The following MKLN1 variants were observed in gnomAD, a reference collection of about 807,000 sequenced individuals.
MKLN1 encodes the protein muskelin.
A neutral mutation model predicts 99.0 loss-of-function variants in MKLN1; 18 were observed. The observed-to-expected ratio is 0.18, with a 90% CI of 0.13 to 0.27. MKLN1 has a LOEUF of 0.27. MKLN1 is among the 10% of genes least tolerant of loss of function. The pLI is 1.00. For missense variants in MKLN1, 621 were observed against 875.9 expected (o/e 0.71, Z 3.67); for synonymous variants, 288 against 293.2 (o/e 0.98, Z 0.18).
intron 3 of MKLN1, among the ~76,000 whole-genome samples, chr7:131,213,586 A>G (rs1796937642): frequency 2.0e-5 from 3 of 152,216 alleles, no homozygotes; most frequent in Admixed American, 6.5e-5. Context: ...AATATCTTCA[A>G]ATATTACCAA....
At chr7:131,452,183 T>A (rs1796198366) in intron 12 of MKLN1, among the ~76,000 whole-genome samples, 2 of 152,352 alleles carry the variant, frequency 1.3e-5, no homozygotes, top group Middle Eastern at 6.8e-3. Context: ...TCTCTCTTTG[T>A]CTGGGTCTGC....
chr7:131,275,293 A>C (rs74770296), intron 3 of MKLN1, among the ~76,000 whole-genome samples: 10 of 149,846 alleles, frequency 6.7e-5, no homozygotes, highest in African/African-American at 2.2e-4. Flanking sequence ...CTCTACCCTC[A>C]TGACCTGATC....
At chr7:131,255,116 A>T (rs1041170458) in intron 3 of MKLN1, among the ~76,000 whole-genome samples, 1 of 152,076 alleles carries the variant, frequency 6.6e-6, no homozygotes, top group Admixed American at 6.6e-5. Flanking sequence ...TTTTTTAAAA[A>T]AAATTTTGTG....
intron 1 of MKLN1, among the ~76,000 whole-genome samples, chr7:131,115,670 A>G (rs912693608): frequency 6.6e-6 from 1 of 151,656 alleles, no homozygotes; most frequent in Non-Finnish European, 1.5e-5. Context: ...CTTCAACCTC[A>G]TCTCCCACCA....
chr7:131,247,145 T>G (rs17165504), intron 3 of MKLN1, among the ~76,000 whole-genome samples: 2 of 152,218 alleles, frequency 1.3e-5, no homozygotes, highest in African/African-American at 4.8e-5. Context: ...TACTCTGAGT[T>G]GTAACTTCTC....
At position 131,397,292 on chromosome 7, in the gene MKLN1, C is replaced by T; in HGVS notation, c.426C>T (p.Ser142=). 1 of 1,612,326 alleles carries T rather than the reference C, an allele frequency of 6.2e-7. No individual in the cohort carries two copies. Among genetic ancestry groups the T allele is most frequent in the Non-Finnish European group, 8.5e-7 (1 of 1,178,948 alleles). Residue 142 remains serine (S), a synonymous_variant, in exon 5 of 18, where the codon AGC becomes AGT. Coordinates refer to ENST00000352689, the MANE Select transcript of MKLN1 (RefSeq NM_013255.5). ...KIVPLLSWGP[S]FNFSIWYVEL... ...TTCCACTCTTGTCCTGGGGACCCAG[C>T]TTTAACTTTAGCATCTGGTATGTTG...
At chr7:131,435,447 A>G (rs1428724294) in intron 9 of MKLN1, among the ~76,000 whole-genome samples, 1 of 152,174 alleles carries the variant, frequency 6.6e-6, no homozygotes, top group African/African-American at 2.4e-5. Flanking sequence ...GAATGTGGAT[A>G]AACAGTAGAG....
At chr7:131,373,737 T>G (rs921620549) in intron 1 of MKLN1, among the ~76,000 whole-genome samples, 2 of 152,214 alleles carry the variant, frequency 1.3e-5, no homozygotes, top group Non-Finnish European at 2.9e-5. Flanking sequence ...CATCCTGCAT[T>G]ATTACCATGG....
intron 2 of MKLN1, among the ~76,000 whole-genome samples, chr7:131,167,670 T>G (rs1584804105): frequency 1.4e-5 from 1 of 72,032 alleles, no homozygotes; most frequent in Non-Finnish European, 2.7e-5. Flanking sequence ...AGACTCTGTC[T>G]CAAAAAAAAA....
chr7:131,339,105 T>A (rs1336122392), intron 1 of MKLN1, among the ~76,000 whole-genome samples: 1 of 152,246 alleles, frequency 6.6e-6, no homozygotes, highest in African/African-American at 2.4e-5. Context: ...TCTATTCATG[T>A]TATTGATAAG....
chr7:131,471,674 A>G (rs1300373343), intron 16 of MKLN1: 2 of 152,268 alleles, frequency 1.3e-5, no homozygotes, highest in Non-Finnish European at 2.9e-5. Flanking sequence ...TCTGAACTGC[A>G]GTGCATTTGC....
chr7:131,283,343 CCCCTCCTT>C (rs1283447307), intron 3 of MKLN1, among the ~76,000 whole-genome samples: 9,372 of 74,468 alleles, frequency 0.13, 1,028 homozygotes, highest in Non-Finnish European at 0.15. Context: ...CCCTTCCCTT[CCCCTCCTT>C]CCTTCCTTCC....
Position 131,445,628 on chromosome 7 carries a change from C to A in MKLN1, c.1396-146C>A, listed in dbSNP as rs1584751374. On this transcript the variant is annotated intron_variant, in intron 11 of 17. Transcript: ENST00000352689. ...CTTTTAGCAATATGTAGAGAGCTTC[C>A]TCTTTCCCTTTTATTCCAGCATAGT... 7 of 578,128 alleles carry A rather than the reference C, an allele frequency of 1.2e-5. No homozygotes were observed. The South Asian group carries it at 1.8e-4, about 15-fold the overall frequency. 35.8% of individuals were successfully genotyped at this position (578,128 alleles called of 1,614,324 possible). A position where few individuals can be genotyped will look rare whatever the true frequency, so the allele number is the denominator to read the frequency against.
intron 3 of MKLN1, among the ~76,000 whole-genome samples, chr7:131,219,590 C>T (rs1366893135): frequency 6.6e-6 from 1 of 150,758 alleles, no homozygotes; most frequent in East Asian, 1.9e-4. Flanking sequence ...TTGTGATGGA[C>T]TTTGTAAGGA....
At chr7:131,254,105 G>A (rs1797622163) in intron 3 of MKLN1, among the ~76,000 whole-genome samples, 2 of 152,164 alleles carry the variant, frequency 1.3e-5, no homozygotes, top group Admixed American at 6.5e-5. Context: ...GGCAGAGAAC[G>A]TAACAGAGAG....
chr7:131,453,148 A>C (rs1796233368), intron 12 of MKLN1, among the ~76,000 whole-genome samples: 1 of 152,206 alleles, frequency 6.6e-6, no homozygotes, highest in Non-Finnish European at 1.5e-5. Context: ...CAAGCTTACA[A>C]GAGTATTTTA....
chr7:131,150,178 C>T (rs956255734), intron 2 of MKLN1, among the ~76,000 whole-genome samples: 25 of 152,040 alleles, frequency 1.6e-4, no homozygotes, highest in African/African-American at 5.3e-4. Flanking sequence ...CTGTTACAAA[C>T]GCTCTCAATC....
chr7:131,229,471 C>T (rs374305077), intron 3 of MKLN1, among the ~76,000 whole-genome samples: 4 of 152,048 alleles, frequency 2.6e-5, no homozygotes, highest in South Asian at 2.1e-4. Context: ...GGCTTTGTTA[C>T]GTAGAGGAAG....
chr7:131,140,331 G>T (rs1426783617), intron 1 of MKLN1, among the ~76,000 whole-genome samples: 1 of 151,690 alleles, frequency 6.6e-6, no homozygotes, highest in African/African-American at 2.4e-5. Context: ...TTTTTCAGGG[G>T]TCCTTTCTCT....
Sources: gnomAD v4.1 joint callset for allele counts (sites outside exome capture counted in the v4.1 genomes callset) on GRCh38, gnomAD v4.1.1 for gene constraint, MANE v1.5 for transcripts, NCBI Gene and HGNC (gene_info 2026-07-23, HGNC 2026-07-21) for gene names.